The following C1orf94 variants were observed in gnomAD, a reference collection of about 807,000 sequenced individuals.
C1orf94 encodes the protein chromosome 1 open reading frame 94.
Under a neutral mutation model 53.6 loss-of-function variants are expected in C1orf94, and 45 were observed. The ratio of observed to expected loss-of-function variants is 0.84; its 90% CI spans 0.66 to 1.08. C1orf94 has a LOEUF of 1.08. C1orf94 is among the 50% of genes least tolerant of loss of function. The probability of loss-of-function intolerance (pLI) is 0.00; values close to 1 mark genes in which losing one functional copy is unlikely to be tolerated. For missense variants in C1orf94, 762 were observed against 738.9 expected (o/e 1.03, Z -0.36); for synonymous variants, 304 against 296.1 (o/e 1.03, Z -0.27).
rs1642251378 is a variant in C1orf94, at chr1:34,177,759, C to G, written c.-31C>G. On this transcript the variant is annotated 5_prime_UTR_variant, in exon 1 of 7. Transcript: ENST00000488417. ...CCAGACAGAACTGACCCACTTCTGC[C>G]AAGCCCCATCCTCATCTCCCTTTCT... 1 of 1,499,772 alleles carries G rather than the reference C, an allele frequency of 6.7e-7. No homozygotes were observed. The highest frequency in any genetic ancestry group is 2.1e-5 in the Admixed American group (1 of 46,882). 92.9% of individuals were successfully genotyped at this position (1,499,772 alleles called of 1,614,324 possible).
rs895970541 is a variant in C1orf94, at chr1:34,177,978, C to A, written c.189C>A (p.Asp63Glu). 1 of 1,551,764 alleles carries A rather than the reference C, an allele frequency of 6.4e-7. No homozygotes were observed. Among genetic ancestry groups the A allele is most frequent in the Non-Finnish European group, 8.7e-7 (1 of 1,147,014 alleles). Residue 63 changes from aspartate to glutamate, a missense_variant, in exon 1 of 7, where the codon GAC becomes GAA. By Grantham distance (45) the Asp-to-Glu change is conservative. Coordinates refer to ENST00000488417, the MANE Select transcript of C1orf94 (RefSeq NM_001134734.2). ...AGGACACACCCCAAGACAGCCTAGA[C>A]AAGACTTGCCATGAAATCTGGAAGA... The part of the protein sequence containing the change: ...IHQDTPQDSL[D>E]KTCHEIWKRV...
chr1:34,213,822 T>C (rs1455421638), intron 6 of C1orf94, among the ~76,000 whole-genome samples: 4 of 152,158 alleles, frequency 2.6e-5, no homozygotes, highest in Non-Finnish European at 5.9e-5. Flanking sequence ...ATTACAGCCA[T>C]GAGCCACCGT....
chr1:34,197,381 C>T lies in C1orf94; in HGVS notation c.477C>T (p.Pro159=). The T allele has an allele frequency of 6.2e-7, 1 of 1,613,304 alleles. No homozygotes were observed. Among genetic ancestry groups the T allele is most frequent in the Non-Finnish European group, 8.5e-7 (1 of 1,179,536 alleles). The change falls in exon 2 of 7, where the codon CCC becomes CCT. Residue 159 remains proline, a synonymous_variant. Coordinates refer to ENST00000488417, the MANE Select transcript of C1orf94 (RefSeq NM_001134734.2). This position sits in a 1 kb window ranked among gnomAD's most constrained non-coding sequence, Gnocchi z 4.1. ...SSPEGTRELA[P]CILAPPLVAG... ...CCGAGGGGACCAGAGAGCTGGCTCC[C>T]TGCATTCTTGCCCCTCCTCTAGTGG... is the stretch of plus-strand genomic sequence containing the variant.
chr1:34,195,848 C>T (rs1340751717), intron 1 of C1orf94, among the ~76,000 whole-genome samples: 1 of 151,748 alleles, frequency 6.6e-6, no homozygotes. Flanking sequence ...AAGGCATGGA[C>T]CCTGCTGGAA....
intron 4 of C1orf94, among the ~76,000 whole-genome samples, chr1:34,206,006 T>C (rs987887759): frequency 5.3e-5 from 8 of 152,188 alleles, no homozygotes; most frequent in Non-Finnish European, 8.8e-5. Flanking sequence ...CAACTAGAAA[T>C]GTTGTTGAAG....
intron 1 of C1orf94, among the ~76,000 whole-genome samples, chr1:34,167,799 C>A (rs1293585361): frequency 6.6e-6 from 1 of 152,026 alleles, no homozygotes; most frequent in Non-Finnish European, 1.5e-5. Flanking sequence ...AGACAGTGAG[C>A]TTTTCCTGGA....
chr1:34,175,037 A>G (rs1264001053), upstream of C1orf94, among the ~76,000 whole-genome samples: 2 of 152,222 alleles, frequency 1.3e-5, no homozygotes, highest in Non-Finnish European at 2.9e-5. Flanking sequence ...GTTAAAATTA[A>G]AACAACCCCA....
rs115878225 is a variant in C1orf94, at chr1:34,200,907, C to T, written c.1145C>T (p.Pro382Leu). 1.1e-5 allele frequency: 17 copies of T among 1,614,138 alleles called. No homozygotes were observed. The highest frequency in any genetic ancestry group is 7.7e-5 in the South Asian group (7 of 91,076). Reference protein sequence around the residue: ...DAVGTASLTLPPKKPTCPAEK... With the variant: ...DAVGTASLTLLPKKPTCPAEK... ...GTGGGCACCGCATCACTGACCCTGC[C>T]GCCCAAGAAACCTACATGTCCAGCC... Residue 382 changes from proline to leucine, a missense_variant, in exon 3 of 7, where the codon CCG becomes CTG. Pro to Leu is a moderately conservative substitution (Grantham distance 98). Coordinates refer to ENST00000488417, the MANE Select transcript of C1orf94 (RefSeq NM_001134734.2).
rs185094652 is a variant in C1orf94 at position 34,193,608 on chromosome 1, C to T, written c.321-3617C>T. On this transcript the variant is annotated intron_variant, in intron 1 of 6. Coordinates refer to ENST00000488417, the MANE Select transcript of C1orf94 (RefSeq NM_001134734.2). ...TGGAGGCAGCTGGACCCAGCCAAGTCCCTACATCAGCTTCTTCCCTCTGTG... is the reference window on the plus strand; with the variant it reads ...TGGAGGCAGCTGGACCCAGCCAAGTTCCTACATCAGCTTCTTCCCTCTGTG... Among the ~76,000 whole-genome samples the T allele has an allele frequency of 8.2e-3, 1,254 of 152,298 alleles. 12 individuals are homozygous for T. The highest frequency in any genetic ancestry group is 0.013 in the Non-Finnish European group (875 of 68,030).
chr1:34,210,660 GT>G (rs758659664), intron 5 of C1orf94, among the ~76,000 whole-genome samples: 2,748 of 143,610 alleles, frequency 0.019, 73 homozygotes, highest in African/African-American at 0.062. Flanking sequence ...TTTGTGGATT[GT>G]TTTTTTTTTT....
chr1:34,205,836 C>T (rs967129289), intron 4 of C1orf94, among the ~76,000 whole-genome samples: 7 of 152,070 alleles, frequency 4.6e-5, no homozygotes, highest in Admixed American at 4.6e-4. Context: ...GACAAAGTCC[C>T]CAACACCGAG....
intron 6 of C1orf94, among the ~76,000 whole-genome samples, chr1:34,215,836 T>C: frequency 6.6e-6 from 1 of 151,994 alleles, no homozygotes; most frequent in Admixed American, 6.5e-5. Context: ...TAAAACCCCA[T>C]CTCTACTAAA....
Position 34,177,361 on chromosome 1 carries a change from C to G in C1orf94, c.-429C>G, listed in dbSNP as rs1571334218. ...GGTGCCAGGCCCGCACCCAGTCCTC[C>G]GCGTGGCTTAGCGGGACAGCATGGG... is the stretch of plus-strand genomic sequence containing the variant. On this transcript the variant is annotated 5_prime_UTR_variant, in exon 1 of 7. Coordinates refer to ENST00000488417, the MANE Select transcript of C1orf94 (RefSeq NM_001134734.2). Among the ~76,000 whole-genome samples the G allele has an allele frequency of 6.6e-6, 1 of 152,192 alleles. No homozygotes were observed. The highest frequency in any genetic ancestry group is 2.4e-5 in the African/African-American group (1 of 41,468).
intron 1 of C1orf94, among the ~76,000 whole-genome samples, chr1:34,192,763 G>A (rs1771368): frequency 0.13 from 20,145 of 152,148 alleles, 1,888 homozygotes; most frequent in African/African-American, 0.27. Context: ...CGAGGCCTGA[G>A]TGATGAGGAG....
rs1380050713 is a variant in C1orf94 at position 34,197,295 on chromosome 1, A to G, written c.391A>G (p.Lys131Glu). The change falls in exon 2 of 7, where the codon AAA (lysine) becomes GAA (glutamate). Residue 131 changes from lysine (K) to glutamate (E), a missense_variant. Transcript: ENST00000488417. The surrounding 1 kb of genome is among the most constrained non-coding windows in gnomAD (Gnocchi z 4.1). ...LVEQEFLSLT[K>E]EHSILVEESS... ...GGAACAGGAGTTCCTAAGCCTCACC[A>G]AAGAGCACTCGATCCTGGTCGAAGA... 8 of 1,554,416 alleles carry G rather than the reference A, an allele frequency of 5.1e-6. No individual in the cohort carries two copies. The highest frequency in any genetic ancestry group is 1.4e-5 in the African/African-American group (1 of 73,204).
At chr1:34,175,198 T>TA (rs1557474644), upstream of C1orf94, among the ~76,000 whole-genome samples, 7 of 151,260 alleles carry the variant, frequency 4.6e-5, no homozygotes, top group Non-Finnish European at 7.4e-5. Flanking sequence ...TGATTTTTTT[T>TA]TTTTTTTTTT....
chr1:34,168,922 G>A (rs2148607210), intron 1 of C1orf94, among the ~76,000 whole-genome samples: 1 of 152,334 alleles, frequency 6.6e-6, no homozygotes, highest in African/African-American at 2.4e-5. Flanking sequence ...TCTATAACAG[G>A]AGGAGATGAC....
At chr1:34,191,070 A>T (rs570173339) in intron 1 of C1orf94, among the ~76,000 whole-genome samples, 3 of 152,306 alleles carry the variant, frequency 2.0e-5, no homozygotes, top group African/African-American at 7.2e-5. Context: ...GCTTGTTCAC[A>T]TGGAGGTTGC....
chr1:34,178,230 C>G lies in C1orf94; in HGVS notation c.320+121C>G, dbSNP rs138221135. Reference sequence around the variant, plus strand: ...GAAACCCTAAAGGCTGTATATTGCCCCCTCCATGGTCCTTTGTCCAAGCTT... The same window carrying G: ...GAAACCCTAAAGGCTGTATATTGCCGCCTCCATGGTCCTTTGTCCAAGCTT... On this transcript the variant is annotated intron_variant, in intron 1 of 6. Transcript: ENST00000488417. 3,350 of 1,057,488 alleles carry G rather than the reference C, an allele frequency of 3.2e-3. 25 individuals are homozygous for G. The Middle Eastern group carries it at 0.038, about 12-fold the overall frequency. 65.5% of individuals were successfully genotyped at this position (1,057,488 alleles called of 1,614,324 possible). A position where few individuals can be genotyped will look rare whatever the true frequency, so the allele number is the denominator to read the frequency against.
Sources: gnomAD v4.1 joint callset for allele counts (sites outside exome capture counted in the v4.1 genomes callset) on GRCh38, gnomAD v4.1.1 for gene constraint, Gnocchi (gnomAD v3.1) non-coding constraint, MANE v1.5 for transcripts, NCBI Gene and HGNC (gene_info 2026-07-23, HGNC 2026-07-21) for gene names.